SMARCA2: variants seen among roughly 807,000 people sequenced by gnomAD.
SMARCA2 encodes the protein SWI/SNF related BAF chromatin remodeling complex subunit ATPase 2, also known as SWI/SNF-related matrix-associated actin-dependent regulator of chromatin subfamily A member 2.
Under a neutral mutation model 199.8 loss-of-function variants are expected in SMARCA2, and 61 were observed. The ratio of observed to expected loss-of-function variants is 0.31; its 90% CI spans 0.25 to 0.38. The LOEUF is 0.38. Ranked by LOEUF, SMARCA2 falls within the 10% of genes least tolerant of loss-of-function variation. SMARCA2 has a pLI of 1.00. For missense variants in SMARCA2, 1,344 were observed against 2,012.2 expected (o/e 0.67, Z 6.35); for synonymous variants, 935 against 732.0 (o/e 1.28, Z -4.48).
At chr9:2,122,375 A>C (rs904475429) in intron 26 of SMARCA2, among the ~76,000 whole-genome samples, 1 of 152,130 alleles carries the variant, frequency 6.6e-6, no homozygotes, top group Non-Finnish European at 1.5e-5. Flanking sequence ...AGGTTGCCTC[A>C]CGAAGCCCCT....
At chr9:2,131,869 G>A (rs985434588) in intron 27 of SMARCA2, among the ~76,000 whole-genome samples, 2 of 151,252 alleles carry the variant, frequency 1.3e-5, no homozygotes, top group Non-Finnish European at 2.9e-5. Context: ...GAACCTGGAG[G>A]TGGAGCCCGC....
chr9:2,084,983 C>T (rs936363374), intron 17 of SMARCA2, among the ~76,000 whole-genome samples: 9 of 151,972 alleles, frequency 5.9e-5, no homozygotes, highest in South Asian at 2.1e-4. Context: ...TACCCCATGA[C>T]GTTTTGAAAG....
Position 2,161,546 on chromosome 9 carries a change from T to C in SMARCA2, c.3982-140T>C. 1.6e-6 allele frequency: 1 copy of C among 620,158 alleles called. No individual in the cohort carries two copies. The highest frequency in any genetic ancestry group is 2.8e-6 in the Non-Finnish European group (1 of 353,574). 38.4% of individuals were successfully genotyped at this position (620,158 alleles called of 1,614,324 possible). ...CCTTTTTTCTTCTTCCTCCACTGAT[T>C]ACTGTTAACTTTTACTTTTTTTTGG... is the stretch of plus-strand genomic sequence containing the variant. On this transcript the variant is annotated intron_variant, in intron 27 of 33. Coordinates refer to ENST00000349721, the MANE Select transcript of SMARCA2 (RefSeq NM_003070.5). This position sits in a 1 kb window ranked among gnomAD's most constrained non-coding sequence, Gnocchi z 4.7.
chr9:2,165,052 A>G (rs915358779), intron 28 of SMARCA2, among the ~76,000 whole-genome samples: 2 of 152,204 alleles, frequency 1.3e-5, no homozygotes, highest in African/African-American at 4.8e-5. Context: ...GTTTTAGAAA[A>G]TGCTGCTGGG....
chr9:2,168,479 C>T (rs1826055302), intron 28 of SMARCA2, among the ~76,000 whole-genome samples: 1 of 152,194 alleles, frequency 6.6e-6, no homozygotes, highest in African/African-American at 2.4e-5. Context: ...ATAATCAGCC[C>T]ATTCTCCAGA....
chr9:2,189,739 C>T (rs925690389), intron 32 of SMARCA2, among the ~76,000 whole-genome samples: 3 of 151,940 alleles, frequency 2.0e-5, no homozygotes, highest in Non-Finnish European at 4.4e-5. Flanking sequence ...GCTAGGAGTA[C>T]TATTTTGTGT....
intron 27 of SMARCA2, among the ~76,000 whole-genome samples, chr9:2,125,635 G>A (rs1361894458): frequency 6.6e-6 from 1 of 151,922 alleles, no homozygotes; most frequent in Non-Finnish European, 1.5e-5. Context: ...GATTACAGGC[G>A]CATACCACCA....
chr9:2,140,320 T>C (rs1350674751), intron 27 of SMARCA2, among the ~76,000 whole-genome samples: 1 of 152,204 alleles, frequency 6.6e-6, no homozygotes. Flanking sequence ...AATACACTGA[T>C]GTCATGGTAT....
At chr9:2,089,350 A>T (rs189460215) in intron 19 of SMARCA2, among the ~76,000 whole-genome samples, 71 of 152,302 alleles carry the variant, frequency 4.7e-4, no homozygotes, top group African/African-American at 1.7e-3. Context: ...TCTTAGAGAC[A>T]GTTTAGCATT....
intron 24 of SMARCA2, among the ~76,000 whole-genome samples, chr9:2,111,823 C>T (rs748316576): frequency 6.6e-6 from 1 of 152,190 alleles, no homozygotes; most frequent in Admixed American, 6.5e-5. Context: ...AATAGATTCT[C>T]ATACAGATGA....
intron 27 of SMARCA2, among the ~76,000 whole-genome samples, chr9:2,147,791 T>C (rs1355093585): frequency 1.3e-5 from 2 of 151,204 alleles, no homozygotes; most frequent in Non-Finnish European, 3.0e-5. Flanking sequence ...GAGGTTGCAG[T>C]GAGCTGAGTT....
chr9:2,123,155 A>C lies in SMARCA2; in HGVS notation c.3763-564A>C, dbSNP rs143561031. Among the ~76,000 whole-genome samples the C allele has an allele frequency of 2.6e-5, 4 of 152,216 alleles. No homozygotes were observed. Among genetic ancestry groups the C allele is most frequent in the African/African-American group, 7.2e-5 (3 of 41,466 alleles). ...GAGGTATTGAAAAGTTAGTATATTCATGGCCAATGGACCAGTGAAACCATT... is the reference window on the plus strand; with the variant it reads ...GAGGTATTGAAAAGTTAGTATATTCCTGGCCAATGGACCAGTGAAACCATT... On this transcript the variant is annotated intron_variant, in intron 26 of 33. Transcript: ENST00000349721. This position sits in a 1 kb window ranked among gnomAD's most constrained non-coding sequence, Gnocchi z 4.1.
chr9:2,161,083 T>A lies in SMARCA2; in HGVS notation c.3982-603T>A, dbSNP rs1429668322. On this transcript the variant is annotated intron_variant, in intron 27 of 33. Coordinates refer to ENST00000349721, the MANE Select transcript of SMARCA2 (RefSeq NM_003070.5). This position sits in a 1 kb window ranked among gnomAD's most constrained non-coding sequence, Gnocchi z 4.7. ...TGTTTGTGAGTGTGTGTGTTCTTTA[T>A]CGAATGATTTAAGTGCGTTTACCAA... is the stretch of plus-strand genomic sequence containing the variant. 1 of 156,888 alleles carries A rather than the reference T, an allele frequency of 6.4e-6. No homozygotes were observed. The highest frequency in any genetic ancestry group is 1.4e-5 in the Non-Finnish European group (1 of 70,916). The allele number at this position is 156,888 out of a possible 1,614,324, so 9.7% of individuals were successfully genotyped here.
rs117779686 is a variant in SMARCA2 at position 2,033,453 on chromosome 9, G to A, written c.355+372G>A. ...TTTTGCTAAGTTTACATGTCCAATC[G>A]GTGACAGGGCCAGAAAGAGAATCTA... On this transcript the variant is annotated intron_variant, in intron 3 of 33. Transcript: ENST00000349721. 4.6e-4 allele frequency among the ~76,000 whole-genome samples: 70 copies of A among 152,290 alleles called. 2 individuals are homozygous for A. In the East Asian group the frequency reaches 9.4e-3, roughly 21 times the overall value.
At chr9:2,098,033 G>C (rs551452353) in intron 21 of SMARCA2, among the ~76,000 whole-genome samples, 46 of 152,298 alleles carry the variant, frequency 3.0e-4, no homozygotes, top group Non-Finnish European at 5.9e-4. Context: ...ATTTTGCAGG[G>C]AGAGGACATT....
chr9:2,147,506 A>C (rs1052346138), intron 27 of SMARCA2, among the ~76,000 whole-genome samples: 2 of 152,208 alleles, frequency 1.3e-5, no homozygotes, highest in Non-Finnish European at 2.9e-5. Context: ...AATCACACAT[A>C]ATCTTTCTCA....
At chr9:2,054,390 A>G (rs1260978812) in intron 5 of SMARCA2, among the ~76,000 whole-genome samples, 4 of 152,236 alleles carry the variant, frequency 2.6e-5, no homozygotes, top group Admixed American at 6.5e-5. Context: ...CACATTGTTA[A>G]GTAACATATA....
chr9:2,136,186 CTTT>C (rs35768052), intron 27 of SMARCA2, among the ~76,000 whole-genome samples: 17 of 131,518 alleles, frequency 1.3e-4, no homozygotes, highest in East Asian at 6.3e-4. Flanking sequence ...TCCCCTGCTT[CTTT>C]TTTTTTTTTT....
intron 19 of SMARCA2, among the ~76,000 whole-genome samples, chr9:2,091,256 C>G (rs1822045163): frequency 6.6e-6 from 1 of 152,184 alleles, no homozygotes; most frequent in African/African-American, 2.4e-5. Context: ...GGTACTACTT[C>G]TTTTCAGTGA....
Sources: gnomAD v4.1 joint callset for allele counts (sites outside exome capture counted in the v4.1 genomes callset) on GRCh38, gnomAD v4.1.1 for gene constraint, Gnocchi (gnomAD v3.1) non-coding constraint, MANE v1.5 for transcripts, NCBI Gene and HGNC (gene_info 2026-07-23, HGNC 2026-07-21) for gene names.